Variants in ROBO1 observed in about 807,000 individuals in gnomAD.
ROBO1 encodes the protein roundabout homolog 1.
In ROBO1, 149 loss-of-function variants were observed where a neutral mutation model predicts 195.9. That is an observed-to-expected ratio of 0.76 (90% CI 0.67 to 0.87). ROBO1 has a LOEUF of 0.87. Ranked by LOEUF, ROBO1 falls within the 40% of genes least tolerant of loss-of-function variation. The pLI, the probability that ROBO1 is intolerant of heterozygous loss-of-function variation, is 0.00. For synonymous variants in ROBO1, 816 were observed against 733.2 expected (o/e 1.11, Z -1.82); for missense variants, 1,933 against 2,068.3 (o/e 0.93, Z 1.27).
Position 78,685,864 on chromosome 3 carries a change from G to A in ROBO1, c.1224C>T (p.Ser408=), listed in dbSNP as rs200759888. ...PPQSSSRFSV[S]QTGDLTITNV... is the part of the protein sequence containing the mutation. ...TAGTAATTGTGAGGTCGCCAGTCTG[G>A]GAGACTGAAAATCGGCTGGATGACT... The change falls in exon 10 of 31, where the codon TCC becomes TCT. Residue 408 remains serine, a synonymous_variant. Coordinates refer to ENST00000464233, the MANE Select transcript of ROBO1 (RefSeq NM_002941.4). The A allele has an allele frequency of 2.8e-3, 4,450 of 1,608,418 alleles. 18 individuals are homozygous for A. The highest frequency in any genetic ancestry group is 3.0e-3 in the Non-Finnish European group (3,552 of 1,176,552).
chr3:79,342,510 T>G (rs2034947953), intron 2 of ROBO1, among the ~76,000 whole-genome samples: 1 of 152,292 alleles, frequency 6.6e-6, no homozygotes, highest in South Asian at 2.1e-4. Context: ...GTACTACATA[T>G]CAAAATTTTT....
intron 4 of ROBO1, among the ~76,000 whole-genome samples, chr3:78,807,240 A>G (rs1559876282): frequency 6.6e-6 from 1 of 152,232 alleles, no homozygotes; most frequent in Non-Finnish European, 1.5e-5. Flanking sequence ...AGGAAATTGT[A>G]TTCATTCATT....
chr3:79,597,916 G>C (rs1228245608), intron 1 of ROBO1, among the ~76,000 whole-genome samples: 2 of 152,048 alleles, frequency 1.3e-5, no homozygotes, highest in African/African-American at 4.8e-5. Flanking sequence ...CTCATTTCTT[G>C]AAGATTCCTT....
chr3:78,812,092 G>A (rs1025234473), intron 4 of ROBO1, among the ~76,000 whole-genome samples: 12 of 152,028 alleles, frequency 7.9e-5, no homozygotes, highest in African/African-American at 1.9e-4. Context: ...ACCAGCACAC[G>A]TTTTGTTATG....
chr3:78,927,163 C>T (rs971586001), intron 4 of ROBO1, among the ~76,000 whole-genome samples: 5 of 152,098 alleles, frequency 3.3e-5, no homozygotes, highest in African/African-American at 1.2e-4. Context: ...CGGTAAAGCT[C>T]CATATTTGAA....
At chr3:78,658,504 C>G (rs534441897) in intron 17 of ROBO1, among the ~76,000 whole-genome samples, 1 of 152,084 alleles carries the variant, frequency 6.6e-6, no homozygotes, top group Non-Finnish European at 1.5e-5. Context: ...TTGGCCAGGC[C>G]GGCCTGACCT....
intron 1 of ROBO1, among the ~76,000 whole-genome samples, chr3:79,742,252 A>G (rs774180872): frequency 1.3e-5 from 2 of 152,200 alleles, no homozygotes; most frequent in Non-Finnish European, 2.9e-5. Context: ...GAGTTTTTTC[A>G]ACAGACCCTC....
chr3:79,430,469 T>A (rs1391632576), intron 2 of ROBO1, among the ~76,000 whole-genome samples: 1 of 152,100 alleles, frequency 6.6e-6, no homozygotes, highest in Non-Finnish European at 1.5e-5. Flanking sequence ...ATGATGTTTC[T>A]CTCAATTGAT....
At chr3:79,164,027 CTG>C (rs2108674144) in intron 2 of ROBO1, among the ~76,000 whole-genome samples, 2 of 152,210 alleles carry the variant, frequency 1.3e-5, no homozygotes, top group African/African-American at 4.8e-5. Context: ...TTGGAAGACA[CTG>C]TGTGGAATTG....
intron 1 of ROBO1, among the ~76,000 whole-genome samples, chr3:79,711,080 C>A (rs951476970): frequency 3.3e-5 from 5 of 151,984 alleles, no homozygotes; most frequent in African/African-American, 9.7e-5. Context: ...AGTTGAAAAA[C>A]CATAACGAAT....
chr3:79,406,729 T>C (rs955952921), intron 2 of ROBO1, among the ~76,000 whole-genome samples: 1 of 152,114 alleles, frequency 6.6e-6, no homozygotes, highest in Admixed American at 6.6e-5. Flanking sequence ...CACTTCACTT[T>C]TGGAGCATTT....
intron 4 of ROBO1, among the ~76,000 whole-genome samples, chr3:78,779,111 T>G (rs1055891336): frequency 5.9e-5 from 9 of 152,150 alleles, no homozygotes; most frequent in African/African-American, 2.2e-4. Flanking sequence ...TCATTAAAGA[T>G]GGATTAAAGA....
intron 2 of ROBO1, among the ~76,000 whole-genome samples, chr3:79,550,480 A>G (rs1942470664): frequency 6.6e-6 from 1 of 152,206 alleles, no homozygotes; most frequent in Non-Finnish European, 1.5e-5. Flanking sequence ...TGCAAGTTAT[A>G]TGACAACACT....
intron 1 of ROBO1, among the ~76,000 whole-genome samples, chr3:79,638,284 G>A (rs1232902016): frequency 6.6e-6 from 1 of 152,160 alleles, no homozygotes; most frequent in Non-Finnish European, 1.5e-5. Context: ...GGAAAAAGCA[G>A]CCTGATTTTC....
At chr3:79,256,874 G>A (rs1192237964) in intron 2 of ROBO1, among the ~76,000 whole-genome samples, 1 of 152,104 alleles carries the variant, frequency 6.6e-6, no homozygotes, top group Non-Finnish European at 1.5e-5. Context: ...CACTGTAACA[G>A]TCAATGAGCT....
At chr3:79,564,381 A>G (rs1180792749) in intron 2 of ROBO1, among the ~76,000 whole-genome samples, 4 of 152,018 alleles carry the variant, frequency 2.6e-5, no homozygotes, top group African/African-American at 9.7e-5. Context: ...GGCAGTAATC[A>G]TATGTCATCC....
intron 14 of ROBO1, among the ~76,000 whole-genome samples, chr3:78,666,359 G>GAATGCTAACTT (rs1166030771): frequency 6.6e-6 from 1 of 152,194 alleles, no homozygotes; most frequent in Non-Finnish European, 1.5e-5. Context: ...TGTTCAGACA[G>GAATGCTAACTT]AATGCTAACT....
chr3:79,635,025 CA>C (rs905492976), intron 1 of ROBO1, among the ~76,000 whole-genome samples: 6 of 152,130 alleles, frequency 3.9e-5, no homozygotes, highest in African/African-American at 1.4e-4. Flanking sequence ...ACTGATATAA[CA>C]ACGTATAAGA....
chr3:79,442,297 T>C (rs1464003425), intron 2 of ROBO1, among the ~76,000 whole-genome samples: 1 of 152,178 alleles, frequency 6.6e-6, no homozygotes, highest in Non-Finnish European at 1.5e-5. Flanking sequence ...ATCTATAATA[T>C]ATCACTGTGC....
Sources: gnomAD v4.1 joint callset for allele counts (sites outside exome capture counted in the v4.1 genomes callset) on GRCh38, gnomAD v4.1.1 for gene constraint, MANE v1.5 for transcripts, NCBI Gene and HGNC (gene_info 2026-07-23, HGNC 2026-07-21) for gene names.